The following ERC2 variants were observed in gnomAD, a reference collection of about 807,000 sequenced individuals.
The protein encoded by ERC2 is ELKS/RAB6-interacting/CAST family member 2.
A neutral mutation model predicts 114.8 loss-of-function variants in ERC2; 42 were observed. The observed-to-expected ratio is 0.37, with a 90% CI of 0.29 to 0.47. ERC2 has a LOEUF of 0.47. ERC2 is among the 20% of genes least tolerant of loss of function. ERC2 has a pLI of 0.99. For synonymous variants in ERC2, 454 were observed against 425.5 expected (o/e 1.07, Z -0.82); for missense variants, 939 against 1,150.7 (o/e 0.82, Z 2.66).
intron 1 of ERC2, among the ~76,000 whole-genome samples, chr3:56,441,700 G>A (rs1349462678): frequency 1.3e-5 from 2 of 152,078 alleles, no homozygotes; most frequent in South Asian, 2.1e-4. Context: ...CGCCTCCCGG[G>A]TTCAAGTGGC....
chr3:55,545,909 G>C (rs2054713875), intron 17 of ERC2, among the ~76,000 whole-genome samples: 1 of 152,190 alleles, frequency 6.6e-6, no homozygotes, highest in Non-Finnish European at 1.5e-5. Flanking sequence ...CCATTTGGAG[G>C]TCTTGGGTCC....
At chr3:55,756,313 G>C (rs2067055768) in intron 14 of ERC2, among the ~76,000 whole-genome samples, 1 of 152,068 alleles carries the variant, frequency 6.6e-6, no homozygotes, top group Non-Finnish European at 1.5e-5. Context: ...TAAAACTGGG[G>C]GTACCAGGAA....
intron 2 of ERC2, among the ~76,000 whole-genome samples, chr3:56,367,816 C>G (rs910867069): frequency 4.0e-5 from 6 of 151,216 alleles, no homozygotes; most frequent in African/African-American, 7.3e-5. Context: ...TCTCTTTTCA[C>G]AATTAAAAAA....
At chr3:55,744,627 A>C (rs2066194474) in intron 14 of ERC2, among the ~76,000 whole-genome samples, 1 of 152,194 alleles carries the variant, frequency 6.6e-6, no homozygotes, top group African/African-American at 2.4e-5. Flanking sequence ...CCAAGTGGTC[A>C]ATGGGAAACT....
At chr3:56,237,891 CTTT>C (rs3054904) in intron 3 of ERC2, among the ~76,000 whole-genome samples, 56 of 140,858 alleles carry the variant, frequency 4.0e-4, no homozygotes, top group African/African-American at 1.1e-3. Context: ...CTATTTTTTC[CTTT>C]TTTTTTTTTT....
intron 17 of ERC2, among the ~76,000 whole-genome samples, chr3:55,670,963 A>G (rs1363453832): frequency 6.6e-6 from 1 of 152,172 alleles, no homozygotes; most frequent in Non-Finnish European, 1.5e-5. Flanking sequence ...CTGCTTTTGC[A>G]TGGCAATGGC....
chr3:55,644,325 T>C (rs2060305619), intron 17 of ERC2, among the ~76,000 whole-genome samples: 1 of 152,180 alleles, frequency 6.6e-6, no homozygotes, highest in African/African-American at 2.4e-5. Flanking sequence ...AGCATTTCTA[T>C]GGGAATAAAG....
At chr3:55,611,713 G>A (rs1230659120) in intron 17 of ERC2, among the ~76,000 whole-genome samples, 6 of 152,160 alleles carry the variant, frequency 3.9e-5, no homozygotes, top group African/African-American at 1.4e-4. Flanking sequence ...CATCACCAGA[G>A]AAATGTGACT....
At chr3:56,106,171 G>C (rs1273271678) in intron 6 of ERC2, among the ~76,000 whole-genome samples, 1 of 152,144 alleles carries the variant, frequency 6.6e-6, no homozygotes, top group Non-Finnish European at 1.5e-5. Context: ...TTTGCACTGG[G>C]GGTGGGTGGG....
At chr3:56,082,318 A>G (rs1461380609) in intron 6 of ERC2, among the ~76,000 whole-genome samples, 1 of 152,180 alleles carries the variant, frequency 6.6e-6, no homozygotes, top group Non-Finnish European at 1.5e-5. Flanking sequence ...CCCTTCCACC[A>G]TGTGAGAACA....
chr3:55,696,096 CT>C (rs1490369213), intron 16 of ERC2, among the ~76,000 whole-genome samples: 2 of 152,096 alleles, frequency 1.3e-5, no homozygotes, highest in African/African-American at 4.8e-5. Flanking sequence ...GATTCAGTTT[CT>C]CTTAAGGAGC....
In ERC2 at chr3:56,407,392, T is replaced by C. The variant is rs145216423; in HGVS notation, c.657+26959A>G. On this transcript the variant is annotated intron_variant, in intron 2 of 17. Coordinates refer to ENST00000288221, the MANE Select transcript of ERC2 (RefSeq NM_015576.3). ...CATTCTGACATTCTTGAGAACATGCTCTTAAGTCTGGTCTCAATCAACCAC... is the reference window on the plus strand; with the variant it reads ...CATTCTGACATTCTTGAGAACATGCCCTTAAGTCTGGTCTCAATCAACCAC... Among the ~76,000 whole-genome samples the C allele has an allele frequency of 1.9e-4, 29 of 152,292 alleles. No homozygotes were observed. The East Asian group carries it at 5.4e-3, about 28-fold the overall frequency.
At chr3:55,994,750 T>C (rs1331873890) in intron 10 of ERC2, among the ~76,000 whole-genome samples, 1 of 149,426 alleles carries the variant, frequency 6.7e-6, no homozygotes, top group Non-Finnish European at 1.5e-5. Flanking sequence ...TTTAGCTCCA[T>C]GAAGAAAAGA....
chr3:55,572,388 T>C (rs146773558), intron 17 of ERC2, among the ~76,000 whole-genome samples: 1 of 152,274 alleles, frequency 6.6e-6, no homozygotes, highest in East Asian at 1.9e-4. Context: ...GCGGTGTGCT[T>C]TCCTCAATCC....
chr3:55,860,037 T>C (rs1407507711), intron 14 of ERC2, among the ~76,000 whole-genome samples: 5 of 152,154 alleles, frequency 3.3e-5, no homozygotes, highest in Non-Finnish European at 5.9e-5. Context: ...CAATTAGCCT[T>C]TTATCCAATT....
At chr3:55,778,065 T>C (rs904116920) in intron 14 of ERC2, among the ~76,000 whole-genome samples, 4 of 152,322 alleles carry the variant, frequency 2.6e-5, no homozygotes, top group African/African-American at 9.6e-5. Flanking sequence ...TAAATCCAAA[T>C]GCTCATGAAA....
chr3:56,153,555 A>C (rs1462927213), intron 4 of ERC2, among the ~76,000 whole-genome samples: 1 of 152,200 alleles, frequency 6.6e-6, no homozygotes, highest in Non-Finnish European at 1.5e-5. Flanking sequence ...AGAGCCATCC[A>C]ACTTAACATT....
chr3:55,690,379 C>T (rs1434123898), intron 16 of ERC2, among the ~76,000 whole-genome samples: 3 of 152,202 alleles, frequency 2.0e-5, no homozygotes, highest in African/African-American at 7.2e-5. Context: ...GATTTCCCTG[C>T]TTCCCGACAT....
At chr3:55,899,459 T>C (rs906421507) in intron 13 of ERC2, among the ~76,000 whole-genome samples, 1 of 152,144 alleles carries the variant, frequency 6.6e-6, no homozygotes, top group Non-Finnish European at 1.5e-5. Context: ...GTATACAATC[T>C]TCAAAAAAAT....
Sources: allele counts gnomAD v4.1 joint callset (sites outside exome capture counted in the v4.1 genomes callset), GRCh38; gene constraint gnomAD v4.1.1; transcripts MANE v1.5; gene names NCBI Gene and HGNC (gene_info 2026-07-23, HGNC 2026-07-21).